PDE4D: variants seen among roughly 807,000 people sequenced by gnomAD.
The protein encoded by PDE4D is phosphodiesterase 4D.
PDE4D carries 24 observed loss-of-function variants against 87.4 expected under a neutral mutation model. The ratio of observed to expected loss-of-function variants is 0.27; its 90% CI spans 0.20 to 0.39. The LOEUF is 0.39. Ranked by LOEUF, PDE4D falls within the 10% of genes least tolerant of loss-of-function variation. PDE4D has a pLI of 1.00. For missense variants in PDE4D, 714 were observed against 1,041.0 expected, an observed-to-expected ratio of 0.69 and a Z score of 4.32; for synonymous variants, 384 against 383.2, an observed-to-expected ratio of 1.00 and a Z score of -0.02.
At chr5:59,636,678 T>C in intron 1 of PDE4D, among the ~76,000 whole-genome samples, 1 of 152,210 alleles carries the variant, frequency 6.6e-6, no homozygotes, top group Non-Finnish European at 1.5e-5. Flanking sequence ...TAATAAATGC[T>C]GTTGGGAAAA....
intron 1 of PDE4D, among the ~76,000 whole-genome samples, chr5:60,310,883 G>A (rs1342563282): frequency 4.6e-5 from 7 of 152,124 alleles, no homozygotes; most frequent in Non-Finnish European, 1.0e-4. Context: ...TCTGCAAGTG[G>A]GGGATAATCA....
chr5:59,528,306 A>G (rs1270701749), intron 1 of PDE4D, among the ~76,000 whole-genome samples: 1 of 152,214 alleles, frequency 6.6e-6, no homozygotes, highest in Non-Finnish European at 1.5e-5. Context: ...ATACTATTAC[A>G]TCAAGCTGGG....
intron 1 of PDE4D, among the ~76,000 whole-genome samples, chr5:59,682,785 T>C (rs1037777270): frequency 1.3e-5 from 2 of 152,248 alleles, no homozygotes; most frequent in Admixed American, 6.5e-5. Context: ...AATAAATTTC[T>C]GTTGTTTATA....
intron 1 of PDE4D, among the ~76,000 whole-genome samples, chr5:59,840,797 G>A (rs909026482): frequency 2.0e-5 from 3 of 152,034 alleles, no homozygotes; most frequent in Non-Finnish European, 4.4e-5. Context: ...AGTGCTTTCT[G>A]GAAATGTGAA....
rs548538698 is a variant in PDE4D at position 60,217,686 on chromosome 5, A to C, written c.-89-31999T>G. On this transcript the variant is annotated intron_variant, in intron 1 of 16. Coordinates refer to the PDE4D transcript ENST00000502484. Reference sequence around the variant, plus strand: ...TTTTTTTACATATTTATCAGAATACATAAAGAACAAATCAAAAACAAAAAA... The same window carrying C: ...TTTTTTTACATATTTATCAGAATACCTAAAGAACAAATCAAAAACAAAAAA... Among the ~76,000 whole-genome samples, 10 of 152,126 alleles carry C rather than the reference A, an allele frequency of 6.6e-5. No individual in the cohort carries two copies. In the South Asian group the frequency reaches 1.9e-3, roughly 28 times the overall value.
intron 2 of PDE4D, among the ~76,000 whole-genome samples, chr5:60,020,698 T>C (rs538691704): frequency 1.3e-5 from 2 of 152,306 alleles, no homozygotes; most frequent in South Asian, 4.1e-4. Context: ...CTCAGCCCAG[T>C]CCTGTCACCA....
At chr5:60,178,475 T>C (rs1784117492) in intron 2 of PDE4D, among the ~76,000 whole-genome samples, 1 of 152,162 alleles carries the variant, frequency 6.6e-6, no homozygotes, top group Admixed American at 6.6e-5. Context: ...TTTCAGCCCT[T>C]ATATGCAGAC....
At chr5:59,681,790 C>T (rs1438909599) in intron 1 of PDE4D, among the ~76,000 whole-genome samples, 1 of 150,868 alleles carries the variant, frequency 6.6e-6, no homozygotes, top group East Asian at 2.0e-4. Flanking sequence ...GTAGTCCCAG[C>T]TACTCGGGAA....
At chr5:59,518,965 G>T (rs1287721367) in intron 1 of PDE4D, among the ~76,000 whole-genome samples, 3 of 152,170 alleles carry the variant, frequency 2.0e-5, no homozygotes, top group Admixed American at 2.0e-4. Context: ...TAGGCTACAG[G>T]CCGGTGTTAT....
chr5:60,082,354 T>C (rs541709583), intron 2 of PDE4D, among the ~76,000 whole-genome samples: 7 of 152,100 alleles, frequency 4.6e-5, no homozygotes, highest in African/African-American at 1.2e-4. Flanking sequence ...CCAAGAGGAG[T>C]GCCCTCACTA....
At chr5:58,991,378 GAC>G (rs1747879837) in intron 8 of PDE4D, among the ~76,000 whole-genome samples, 3 of 152,290 alleles carry the variant, frequency 2.0e-5, no homozygotes, top group African/African-American at 7.2e-5. Context: ...AATGTTAACA[GAC>G]ACACCATGTA....
At chr5:60,520,347 G>A (rs1336183691) in intron 1 of PDE4D, among the ~76,000 whole-genome samples, 8 of 152,078 alleles carry the variant, frequency 5.3e-5, no homozygotes, top group Non-Finnish European at 1.0e-4. Context: ...CCCACACCTG[G>A]ACCATATTCA....
chr5:60,386,980 C>T (rs1341677948), intron 1 of PDE4D, among the ~76,000 whole-genome samples: 2 of 152,206 alleles, frequency 1.3e-5, no homozygotes, highest in Non-Finnish European at 2.9e-5. Context: ...TGCTTTTACT[C>T]TCCTGCCCAT....
rs193011965 is a variant in PDE4D, at chr5:60,038,049, G to A, written c.43-49332C>T. Among the ~76,000 whole-genome samples, 50 of 152,100 alleles carry A rather than the reference G, an allele frequency of 3.3e-4. No individual in the cohort carries two copies. The East Asian group carries it at 3.5e-3, about 11-fold the overall frequency. ...TAAAAAATATAGATGAGTAGGTCGCGAAAATTTTCTCCCATTTTGTAGGTT... is the reference window on the plus strand; with the variant it reads ...TAAAAAATATAGATGAGTAGGTCGCAAAAATTTTCTCCCATTTTGTAGGTT... On this transcript the variant is annotated intron_variant, in intron 2 of 16. Transcript: ENST00000502484.
intron 1 of PDE4D, among the ~76,000 whole-genome samples, chr5:59,643,424 G>A (rs888040915): frequency 1.4e-4 from 22 of 152,148 alleles, no homozygotes; most frequent in African/African-American, 5.3e-4. Flanking sequence ...AAAAGCTGGA[G>A]GAAGGAATGA....
intron 2 of PDE4D, among the ~76,000 whole-genome samples, chr5:60,071,539 T>C (rs767939046): frequency 2.0e-5 from 3 of 152,164 alleles, no homozygotes; most frequent in Non-Finnish European, 4.4e-5. Context: ...TTTAGCCATC[T>C]GGGCAAAAAA....
At chr5:59,946,070 G>C (rs1245123375) in intron 3 of PDE4D, among the ~76,000 whole-genome samples, 3 of 152,166 alleles carry the variant, frequency 2.0e-5, no homozygotes, top group Admixed American at 6.5e-5. Context: ...AGATCATAAT[G>C]TGTGGTCTCC....
At chr5:59,045,556 CAAAAAAAAAAAAA>C (rs36051277) in intron 5 of PDE4D, among the ~76,000 whole-genome samples, 52 of 70,984 alleles carry the variant, frequency 7.3e-4, no homozygotes, top group East Asian at 5.1e-4. Flanking sequence ...AACTCTGTCT[CAAAAAAAAAAAAA>C]AAAAAAAAAA....
chr5:60,173,725 C>G (rs775153388), intron 2 of PDE4D, among the ~76,000 whole-genome samples: 27 of 152,092 alleles, frequency 1.8e-4, no homozygotes, highest in Non-Finnish European at 3.7e-4. Context: ...AATGGAGCAA[C>G]AGTCAGCAGC....
Sources: gnomAD v4.1 joint callset for allele counts (sites outside exome capture counted in the v4.1 genomes callset) on GRCh38, gnomAD v4.1.1 for gene constraint, MANE v1.5 for transcripts, NCBI Gene and HGNC (gene_info 2026-07-23, HGNC 2026-07-21) for gene names.